GTF2E1: variants seen among roughly 807,000 people sequenced by gnomAD.
GTF2E1 encodes general transcription factor IIE subunit 1.
Under a neutral mutation model 34.9 loss-of-function variants are expected in GTF2E1, and 14 were observed. The observed-to-expected ratio is 0.40, with a 90% confidence interval of 0.27 to 0.63. GTF2E1 has a LOEUF of 0.63. Ranked by LOEUF, GTF2E1 falls within the 20% of genes least tolerant of loss-of-function variation. GTF2E1 has a pLI of 0.39. For synonymous variants in GTF2E1, 188 were observed against 192.9 expected, an observed-to-expected ratio of 0.97 and a Z score of 0.21; for missense variants, 469 against 557.7, an observed-to-expected ratio of 0.84 and a Z score of 1.60.
At chr3:120,773,395 T>A (rs1239115810) in intron 3 of GTF2E1, among the ~76,000 whole-genome samples, 1 of 152,164 alleles carries the variant, frequency 6.6e-6, no homozygotes, top group Admixed American at 6.6e-5. Context: ...AGCTTTTCTT[T>A]TTTTAAATAA....
chr3:120,742,794 G>A lies in GTF2E1; in HGVS notation c.-31G>A, dbSNP rs1212458823. 5 of 484,338 alleles carry A rather than the reference G, an allele frequency of 1.0e-5. No homozygotes were observed. Among genetic ancestry groups the A allele is most frequent in the Non-Finnish European group, 1.9e-5 (5 of 265,356 alleles). 30.0% of individuals were successfully genotyped at this position (484,338 alleles called of 1,614,324 possible). The stretch of plus-strand genomic sequence containing the variant: ...GTGGGAGTGTTCCAGGATTCGCCTT[G>A]GTAAACCTTGTTCCCTGTTCCTTGT... On this transcript the variant is annotated splice_region_variant and 5_prime_UTR_variant, in exon 1 of 5. Coordinates refer to ENST00000283875, the MANE Select transcript of GTF2E1 (RefSeq NM_005513.3).
chr3:120,742,766 G>T lies in GTF2E1; in HGVS notation c.-59G>T, dbSNP rs1335712410. 8 of 535,248 alleles carry T rather than the reference G, an allele frequency of 1.5e-5. No individual in the cohort carries two copies. Among genetic ancestry groups the T allele is most frequent in the Non-Finnish European group, 2.7e-5 (8 of 296,532 alleles). 33.2% of individuals were successfully genotyped at this position (535,248 alleles called of 1,614,324 possible). Reference sequence around the variant, plus strand: ...GGTAGTTGAAGCGCTGGGGGCAGCTGTAGTGGGAGTGTTCCAGGATTCGCC... The same window carrying T: ...GGTAGTTGAAGCGCTGGGGGCAGCTTTAGTGGGAGTGTTCCAGGATTCGCC... On this transcript the variant is annotated 5_prime_UTR_variant, in exon 1 of 5. Transcript: ENST00000283875.
chr3:120,760,447 C>T (rs1354506713), intron 2 of GTF2E1, among the ~76,000 whole-genome samples: 1 of 152,174 alleles, frequency 6.6e-6, no homozygotes, highest in African/African-American at 2.4e-5. Flanking sequence ...TTGCCCTGGC[C>T]AGAACTTCCA....
intron 2 of GTF2E1, among the ~76,000 whole-genome samples, chr3:120,754,725 C>A (rs1477448783): frequency 6.6e-6 from 1 of 151,880 alleles, no homozygotes; most frequent in East Asian, 1.9e-4. Context: ...TCGGGAGCCC[C>A]TTTTACTGCA....
At chr3:120,759,834 T>C (rs538184804) in intron 2 of GTF2E1, among the ~76,000 whole-genome samples, 3 of 152,356 alleles carry the variant, frequency 2.0e-5, no homozygotes, top group African/African-American at 7.2e-5. Flanking sequence ...CTGTTTTGGT[T>C]ACTGTAGCCT....
intron 4 of GTF2E1, among the ~76,000 whole-genome samples, chr3:120,778,777 G>A (rs1055253813): frequency 5.9e-5 from 9 of 152,130 alleles, no homozygotes; most frequent in Admixed American, 1.3e-4. Context: ...CTAGAAACAC[G>A]TAGAGGTACT....
chr3:120,743,686 G>T (rs1709078380), intron 1 of GTF2E1, among the ~76,000 whole-genome samples: 1 of 152,136 alleles, frequency 6.6e-6, no homozygotes, highest in Non-Finnish European at 1.5e-5. Context: ...GAGACTTGAA[G>T]GATGATTAGG....
At chr3:120,762,563 T>A (rs1378021718) in intron 2 of GTF2E1, among the ~76,000 whole-genome samples, 1 of 152,224 alleles carries the variant, frequency 6.6e-6, no homozygotes, top group African/African-American at 2.4e-5. Context: ...TTCATAATAT[T>A]GTATAGTTTT....
At chr3:120,770,036 A>G (rs1018868318) in intron 2 of GTF2E1, among the ~76,000 whole-genome samples, 12 of 152,150 alleles carry the variant, frequency 7.9e-5, no homozygotes, top group African/African-American at 2.7e-4. Flanking sequence ...GGGGCCTTTT[A>G]TAGCTAAATG....
In GTF2E1 at chr3:120,770,799, C is replaced by T. The variant is rs781417478; in HGVS notation, c.520C>T (p.Arg174Cys). 5.6e-6 allele frequency: 9 copies of T among 1,613,298 alleles called. No homozygotes were observed. Among genetic ancestry groups the T allele is most frequent in the African/African-American group, 2.7e-5 (2 of 74,828 alleles). The change falls in exon 3 of 5, where the codon CGC becomes TGC. Residue 174 changes from arginine to cysteine, a missense_variant. Arg to Cys is a radical substitution (Grantham distance 180). Transcript: ENST00000283875. ...ATCAGCAATGCCCAAAAAAGATGCA[C>T]GCACACTTTTGGCAAGGTTTAATGA... ...DESAMPKKDA[R>C]TLLARFNEQI...
chr3:120,752,675 T>G (rs1003782655), intron 2 of GTF2E1, among the ~76,000 whole-genome samples: 2 of 152,178 alleles, frequency 1.3e-5, no homozygotes, highest in Non-Finnish European at 2.9e-5. Flanking sequence ...GGCCTAACAT[T>G]CCATCCAGTA....
intron 2 of GTF2E1, among the ~76,000 whole-genome samples, chr3:120,762,834 T>C (rs527407241): frequency 1.3e-5 from 2 of 152,320 alleles, no homozygotes; most frequent in African/African-American, 2.4e-5. Flanking sequence ...CATATATGGC[T>C]TCTCTCAACT....
chr3:120,751,038 T>G (rs755842968), intron 2 of GTF2E1, 38 bp downstream of exon 2: 1 of 1,299,940 alleles, frequency 7.7e-7, no homozygotes. Flanking sequence ...TAAAATAAAG[T>G]GTGTATTACC....
chr3:120,760,316 A>G lies in GTF2E1; in HGVS notation c.448+9316A>G, dbSNP rs115190994. Reference sequence around the variant, plus strand: ...TTTGCTGAAATTGCTTATCAGGTGAAGGAGATTTTGGGCTGAAACGATGGA... The same window carrying G: ...TTTGCTGAAATTGCTTATCAGGTGAGGGAGATTTTGGGCTGAAACGATGGA... On this transcript the variant is annotated intron_variant, in intron 2 of 4. Transcript: ENST00000283875. Among the ~76,000 whole-genome samples, 1,169 of 152,330 alleles carry G rather than the reference A, an allele frequency of 7.7e-3. 15 individuals are homozygous for G. The highest frequency in any genetic ancestry group is 0.027 in the African/African-American group (1,109 of 41,574).
chr3:120,777,360 G>A lies in GTF2E1; in HGVS notation c.892+696G>A, dbSNP rs186720867. Among the ~76,000 whole-genome samples the A allele has an allele frequency of 3.6e-3, 551 of 152,254 alleles. 1 individual carries two copies. Among genetic ancestry groups the A allele is most frequent in the Middle Eastern group, 0.01 (3 of 294 alleles). On this transcript the variant is annotated intron_variant, in intron 4 of 4. Transcript: ENST00000283875. ...AAATGGATGACGATGACTCAAGCTG[G>A]AAAGTAGAGAGGAAGGGTGTCTCTA...
At chr3:120,752,545 A>G (rs544737198) in intron 2 of GTF2E1, among the ~76,000 whole-genome samples, 2 of 152,294 alleles carry the variant, frequency 1.3e-5, no homozygotes, top group African/African-American at 4.8e-5. Context: ...TAAACTTTCT[A>G]AAAGGAGATG....
At chr3:120,767,019 T>A (rs1255678933) in intron 2 of GTF2E1, among the ~76,000 whole-genome samples, 7 of 151,724 alleles carry the variant, frequency 4.6e-5, no homozygotes, top group Admixed American at 4.6e-4. Context: ...TTTTCTTGCA[T>A]TTTTTAGGGT....
intron 1 of GTF2E1, among the ~76,000 whole-genome samples, chr3:120,745,265 G>C (rs1006346479): frequency 6.6e-6 from 1 of 152,058 alleles, no homozygotes; most frequent in Non-Finnish European, 1.5e-5. Context: ...GAGGTCAGGG[G>C]GCCTAAGAAA....
At chr3:120,754,498 G>T (rs1025628594) in intron 2 of GTF2E1, among the ~76,000 whole-genome samples, 2 of 151,872 alleles carry the variant, frequency 1.3e-5, no homozygotes, top group African/African-American at 4.8e-5. Flanking sequence ...GGGCACTTTG[G>T]GGGTATCTAT....
Sources: gnomAD v4.1 joint callset for allele counts (sites outside exome capture counted in the v4.1 genomes callset) on GRCh38, gnomAD v4.1.1 for gene constraint, MANE v1.5 for transcripts, NCBI Gene and HGNC (gene_info 2026-07-23, HGNC 2026-07-21) for gene names.